Variants in HERC3 observed in about 807,000 individuals in gnomAD.
HERC3 encodes the protein probable E3 ubiquitin-protein ligase HERC3.
Under a neutral mutation model 129.9 loss-of-function variants are expected in HERC3, and 58 were observed. The ratio of observed to expected loss-of-function variants is 0.45; its 90% CI spans 0.36 to 0.56. The LOEUF (loss-of-function observed/expected upper bound fraction) is 0.56, where lower values mean the gene tolerates loss of function less well. HERC3 is among the 20% of genes least tolerant of loss of function. The pLI, the probability that HERC3 is intolerant of heterozygous loss-of-function variation, is 0.00. For synonymous variants in HERC3, 430 were observed against 451.0 expected (o/e 0.95, Z 0.59); for missense variants, 835 against 1,244.2 (o/e 0.67, Z 4.95).
intron 2 of HERC3, among the ~76,000 whole-genome samples, chr4:88,604,597 C>T (rs539038740): frequency 3.9e-5 from 6 of 152,238 alleles, no homozygotes; most frequent in South Asian, 2.1e-4. Flanking sequence ...ATATATTTAC[C>T]GTTCATCCAT....
At chr4:88,694,974 A>G (rs943321335) in intron 23 of HERC3, among the ~76,000 whole-genome samples, 3 of 152,128 alleles carry the variant, frequency 2.0e-5, no homozygotes, top group Non-Finnish European at 4.4e-5. Context: ...TGGGTTTTCT[A>G]TATGTAAAAA....
At chr4:88,559,336 A>C in the HERC3 span, among the ~76,000 whole-genome samples, 13 of 152,196 alleles carry the variant, frequency 8.5e-5, no homozygotes, top group Non-Finnish European at 1.9e-4. Flanking sequence ...TATTACCTAT[A>C]ATTCTCATGT....
chr4:88,669,522 A>C (rs1340283790), intron 14 of HERC3, among the ~76,000 whole-genome samples: 1 of 152,208 alleles, frequency 6.6e-6, no homozygotes, highest in African/African-American at 2.4e-5. Flanking sequence ...CTAGGACATA[A>C]GAATGCTTTT....
At chr4:88,537,662 C>G in the HERC3 span, among the ~76,000 whole-genome samples, 3 of 152,172 alleles carry the variant, frequency 2.0e-5, no homozygotes, top group South Asian at 6.2e-4. Context: ...CCAAGTGTTC[C>G]TCTGTGTTCT....
intron 9 of HERC3, among the ~76,000 whole-genome samples, chr4:88,657,794 T>TG (rs774806075): frequency 6.6e-6 from 1 of 151,580 alleles, no homozygotes; most frequent in Admixed American, 6.6e-5. Context: ...TGTAGAGGAC[T>TG]GTGAGGGAGT....
At chr4:88,697,638 G>T (rs771560957) in intron 23 of HERC3, 4 of 1,613,494 alleles carry the variant, frequency 2.5e-6, no homozygotes, top group African/African-American at 2.7e-5. Flanking sequence ...CACCAGCCGC[G>T]CTGTCACAGT....
At chr4:88,667,510 GT>G in intron 13 of HERC3, 22 bp downstream of exon 13, 1 of 1,320,546 alleles carries the variant, frequency 7.6e-7, no homozygotes, top group Non-Finnish European at 1.1e-6. Context: ...TATTTGTAAA[GT>G]GCATTCTTAA....
At chr4:88,631,965 AAAG>A (rs1288084022) in intron 3 of HERC3, among the ~76,000 whole-genome samples, 1 of 152,216 alleles carries the variant, frequency 6.6e-6, no homozygotes, top group Non-Finnish European at 1.5e-5. Context: ...GCACATTGGG[AAAG>A]AAGACCAGAA....
intron 3 of HERC3, among the ~76,000 whole-genome samples, chr4:88,633,979 A>G (rs920062719): frequency 4.6e-5 from 7 of 152,226 alleles, no homozygotes; most frequent in Non-Finnish European, 8.8e-5. Context: ...GGAAGCTCCC[A>G]TGGAAAAGAT....
At chr4:88,529,273 G>T in the HERC3 span, among the ~76,000 whole-genome samples, 3 of 152,172 alleles carry the variant, frequency 2.0e-5, no homozygotes, top group Non-Finnish European at 2.9e-5. Flanking sequence ...AGACCAGACT[G>T]AGCAACTTAG....
intron 3 of HERC3, among the ~76,000 whole-genome samples, chr4:88,649,150 C>T (rs906420863): frequency 1.3e-5 from 2 of 152,096 alleles, no homozygotes; most frequent in African/African-American, 4.8e-5. Context: ...ATAGGGTGAT[C>T]CTTGTCTGGC....
rs370166247 is a variant in HERC3, at chr4:88,609,215, C to A, written c.226+3166C>A. ...GGAAGGTCACTTGAGCCCTGGAGAT[C>A]AAAACTGTGGTGAGCTGTGATTGCA... On this transcript the variant is annotated intron_variant, in intron 3 of 25. Transcript: ENST00000402738. Among the ~76,000 whole-genome samples, 5 of 151,646 alleles carry A rather than the reference C, an allele frequency of 3.3e-5. No individual in the cohort carries two copies. In the East Asian group the frequency reaches 9.7e-4, roughly 29 times the overall value.
At chr4:88,531,000 AC>A in the HERC3 span, among the ~76,000 whole-genome samples, 1 of 151,690 alleles carries the variant, frequency 6.6e-6, no homozygotes, top group Admixed American at 6.6e-5. Flanking sequence ...ACAGGTGTGT[AC>A]CACCACATCA....
intron 3 of HERC3, among the ~76,000 whole-genome samples, chr4:88,639,175 T>C (rs934838632): frequency 3.3e-5 from 5 of 152,212 alleles, no homozygotes; most frequent in Non-Finnish European, 5.9e-5. Context: ...CCCAAAGTAA[T>C]TTATAGATTC....
At chr4:88,646,739 C>T (rs180940729) in intron 3 of HERC3, among the ~76,000 whole-genome samples, 1 of 152,182 alleles carries the variant, frequency 6.6e-6, no homozygotes, top group East Asian at 1.9e-4. Context: ...CTGGGCTGAC[C>T]TAGGGGGTAG....
At chr4:88,594,789 A>G (rs755173404) in intron 1 of HERC3, among the ~76,000 whole-genome samples, 3 of 152,008 alleles carry the variant, frequency 2.0e-5, no homozygotes, top group Non-Finnish European at 4.4e-5. Flanking sequence ...GGATGTGGTA[A>G]TGAAAAGGGA....
At chr4:88,576,100 C>T in the HERC3 span, among the ~76,000 whole-genome samples, 1 of 152,188 alleles carries the variant, frequency 6.6e-6, no homozygotes, top group Non-Finnish European at 1.5e-5. Flanking sequence ...CCCTCTATTC[C>T]TAGCTGTTTT....
the HERC3 span, among the ~76,000 whole-genome samples, chr4:88,529,040 C>T: frequency 1.3e-5 from 2 of 151,904 alleles, no homozygotes; most frequent in Non-Finnish European, 2.9e-5. Context: ...CAGGCATGCA[C>T]CATTATTCAG....
intron 23 of HERC3, chr4:88,697,410 G>C: frequency 6.2e-7 from 1 of 1,613,988 alleles, no homozygotes; most frequent in Non-Finnish European, 8.5e-7. Context: ...TGGCGAGTAG[G>C]GGCTTATAGA....
Sources: allele counts gnomAD v4.1 joint callset (sites outside exome capture counted in the v4.1 genomes callset), GRCh38; gene constraint gnomAD v4.1.1; transcripts MANE v1.5; gene names NCBI Gene and HGNC (gene_info 2026-07-23, HGNC 2026-07-21).